The following ESYT2 variants were observed in gnomAD, a reference collection of about 807,000 sequenced individuals.
The protein encoded by ESYT2 is extended synaptotagmin 2.
A neutral mutation model predicts 107.2 loss-of-function variants in ESYT2; 54 were observed. That is an observed-to-expected ratio of 0.50 (90% CI 0.40 to 0.63). The LOEUF is 0.63. ESYT2 is among the 30% of genes least tolerant of loss of function. The pLI is 0.00. For synonymous variants in ESYT2, 491 were observed against 434.1 expected, an observed-to-expected ratio of 1.13 and a Z score of -1.63; for missense variants, 1,020 against 1,094.5, an observed-to-expected ratio of 0.93 and a Z score of 0.96.
chr7:158,808,522 G>A lies in ESYT2; in HGVS notation c.331-9450C>T, dbSNP rs546890046. Among the ~76,000 whole-genome samples, 6 of 152,336 alleles carry A rather than the reference G, an allele frequency of 3.9e-5. No individual in the cohort carries two copies. The South Asian group carries it at 1.2e-3, about 32-fold the overall frequency. On this transcript the variant is annotated intron_variant, in intron 1 of 22. Coordinates refer to ENST00000275418, the MANE Select transcript of ESYT2 (RefSeq NM_001367773.1). ...TTTAAGTGAAAAGGTGAAAGTTCTC[G>A]ACTTACTAAGTATCATACGCTGAGG... is the stretch of plus-strand genomic sequence containing the variant.
chr7:158,781,425 G>A (rs1037575847), intron 6 of ESYT2, among the ~76,000 whole-genome samples: 2 of 54,802 alleles, frequency 3.6e-5, no homozygotes, highest in African/African-American at 8.1e-5. Flanking sequence ...GTAAGAACGA[G>A]TGAGAAGTGT....
intron 2 of ESYT2, among the ~76,000 whole-genome samples, chr7:158,798,790 A>G (rs1337184047): frequency 6.6e-6 from 1 of 152,166 alleles, no homozygotes; most frequent in African/African-American, 2.4e-5. Flanking sequence ...AAGAAGACAC[A>G]TGGCCAGAGA....
chr7:158,781,069 G>A (rs990850332), intron 6 of ESYT2, among the ~76,000 whole-genome samples: 32 of 152,228 alleles, frequency 2.1e-4, no homozygotes, highest in Non-Finnish European at 4.4e-5. Context: ...GAGAACATAA[G>A]AGCAAATGTG....
chr7:158,812,412 C>T (rs1005854738), intron 1 of ESYT2, among the ~76,000 whole-genome samples: 1 of 152,174 alleles, frequency 6.6e-6, no homozygotes, highest in African/African-American at 2.4e-5. Context: ...CAGTGACTCC[C>T]ACTTTACATC....
chr7:158,747,906 T>C (rs1837457436), intron 16 of ESYT2, among the ~76,000 whole-genome samples: 1 of 152,306 alleles, frequency 6.6e-6, no homozygotes, highest in South Asian at 2.1e-4. Context: ...ACAACACAGG[T>C]AAACCTCAGA....
intron 13 of ESYT2, among the ~76,000 whole-genome samples, chr7:158,757,893 T>A (rs1473539742): frequency 6.6e-6 from 1 of 152,168 alleles, no homozygotes; most frequent in Non-Finnish European, 1.5e-5. Context: ...TACCCTAAAA[T>A]AGAAAACAAA....
At chr7:158,806,666 C>G (rs1019707066) in intron 1 of ESYT2, among the ~76,000 whole-genome samples, 1 of 152,118 alleles carries the variant, frequency 6.6e-6, no homozygotes, top group African/African-American at 2.4e-5. Flanking sequence ...ATTCTGAAGT[C>G]CTTTAGACAT....
intron 3 of ESYT2, among the ~76,000 whole-genome samples, chr7:158,797,680 C>T (rs1004651381): frequency 6.6e-6 from 1 of 152,006 alleles, no homozygotes; most frequent in African/African-American, 2.4e-5. Context: ...TGGTGAAACC[C>T]CGTCTCTACT....
At position 158,777,998 on chromosome 7, in the gene ESYT2, T is replaced by C. The variant is rs1282330640; in HGVS notation, c.748-4602A>G. Among the ~76,000 whole-genome samples, 5 of 152,324 alleles carry C rather than the reference T, an allele frequency of 3.3e-5. No homozygotes were observed. In the East Asian group the frequency reaches 9.6e-4, roughly 29 times the overall value. ...ACTTTCAACTAGTAAAAACACAGTA[T>C]CTACGAAGCGCAATAAAGCAAAGCA... On this transcript the variant is annotated intron_variant, in intron 6 of 22. Transcript: ENST00000275418.
At chr7:158,810,252 T>G (rs181069321) in intron 1 of ESYT2, among the ~76,000 whole-genome samples, 1 of 152,228 alleles carries the variant, frequency 6.6e-6, no homozygotes, top group Non-Finnish European at 1.5e-5. Flanking sequence ...TGATTTATAT[T>G]TGCCTACAAG....
rs566847781 is a variant in ESYT2 at position 158,803,808 on chromosome 7, G to T, written c.331-4736C>A. ...GTGAGGCGCGTGACAAACCCAAACCGTTGAGAAGGGTGAGGCGCGCGACAA... is the reference window on the plus strand; with the variant it reads ...GTGAGGCGCGTGACAAACCCAAACCTTTGAGAAGGGTGAGGCGCGCGACAA... On this transcript the variant is annotated intron_variant, in intron 1 of 22. Coordinates refer to ENST00000275418, the MANE Select transcript of ESYT2 (RefSeq NM_001367773.1). Among the ~76,000 whole-genome samples the T allele has an allele frequency of 6.1e-3, 867 of 142,782 alleles. 25 individuals are homozygous for T. Among genetic ancestry groups the T allele is most frequent in the African/African-American group, 0.022 (827 of 37,462 alleles). 93.7% of individuals were successfully genotyped at this position (142,782 alleles called of 152,430 possible). A position where few individuals can be genotyped will look rare whatever the true frequency, so the allele number is the denominator to read the frequency against.
intron 13 of ESYT2, among the ~76,000 whole-genome samples, chr7:158,758,274 A>G (rs1373187318): frequency 6.6e-6 from 1 of 152,260 alleles, no homozygotes; most frequent in African/African-American, 2.4e-5. Context: ...GCACGGGTGC[A>G]CAAGTATTTA....
In ESYT2 at chr7:158,759,579, C is replaced by T. The variant is rs1837889702; in HGVS notation, c.1326G>A (p.Val442=). 6.2e-7 allele frequency: 1 copy of T among 1,607,960 alleles called. No individual in the cohort carries two copies. Among genetic ancestry groups the T allele is most frequent in the Non-Finnish European group, 8.5e-7 (1 of 1,175,210 alleles). Residue 442 remains valine (V), a splice_region_variant and synonymous_variant, in exon 13 of 23, where the codon GTG becomes GTA. Transcript: ENST00000275418. ...CTTTGTCAGCTTTGATGTCTGTTAG[C>T]ACCTAAAAGGAAAGGAAAAAGCCCT... ...LMPNASNLDK[V]LTDIKADKDQ... is the part of the protein sequence containing the mutation.
chr7:158,797,985 T>G lies in ESYT2; in HGVS notation c.464A>C (p.His155Pro). Residue 155 changes from histidine to proline, a missense_variant, in exon 3 of 23, where the codon CAC becomes CCC. Coordinates refer to ENST00000275418, the MANE Select transcript of ESYT2 (RefSeq NM_001367773.1). The part of the protein sequence containing the change: ...IEPAVRGANT[H>P]LSTFSFTKVD... The stretch of plus-strand genomic sequence containing the variant: ...CTTCGTGAAACTAAAGGTGCTAAGG[T>G]GGGTGTTTGCTCCCCGCACGGCTGG... The G allele has an allele frequency of 1.2e-6, 2 of 1,614,038 alleles. No homozygotes were observed. The highest frequency in any genetic ancestry group is 1.3e-5 in the African/African-American group (1 of 75,020).
intron 1 of ESYT2, among the ~76,000 whole-genome samples, chr7:158,819,268 T>A (rs1056869224): frequency 2.6e-5 from 4 of 152,374 alleles, no homozygotes; most frequent in African/African-American, 9.6e-5. Context: ...AATTATCATG[T>A]CTAATGAGTT....
At position 158,829,187 on chromosome 7, in the gene ESYT2, C is replaced by T. The variant is rs745509143; in HGVS notation, c.232G>A (p.Gly78Ser). 4.6e-6 allele frequency: 7 copies of T among 1,536,244 alleles called. No homozygotes were observed. The highest frequency in any genetic ancestry group is 1.4e-5 in the African/African-American group (1 of 71,586). ...ALLAWCRRSR[G>S]LKALRLCRAL... ...CGGCACAGGCGCAGGGCCTTGAGGC[C>T]GCGGCTGCGGCGACACCAGGCGAGC... Residue 78 changes from glycine (G) to serine (S), a missense_variant, in exon 1 of 23, where the codon GGC becomes AGC. Transcript: ENST00000275418.
At chr7:158,765,713 G>A (rs1838134199) in intron 8 of ESYT2, among the ~76,000 whole-genome samples, 1 of 152,214 alleles carries the variant, frequency 6.6e-6, no homozygotes, top group East Asian at 1.9e-4. Context: ...TCCAGCCTGA[G>A]CGACAGAGCA....
At position 158,738,329 on chromosome 7, in the gene ESYT2, ACACACACACACAC is replaced by A. The variant is rs1563614942; in HGVS notation, c.2267+681_2267+693del. Reference sequence around the variant, plus strand: ...TCTGTCTCCAAAAAAAAAAAAAAATACACACACACACACAGACACACACACACACACACACACA... The same window carrying A: ...TCTGTCTCCAAAAAAAAAAAAAAATAAGACACACACACACACACACACACA... On this transcript the variant is annotated intron_variant, in intron 19 of 22. Transcript: ENST00000275418. Among the ~76,000 whole-genome samples the A allele has an allele frequency of 3.3e-3, 278 of 84,788 alleles. 7 individuals are homozygous for A. The highest frequency in any genetic ancestry group is 0.025 in the East Asian group (77 of 3,052). 55.6% of individuals were successfully genotyped at this position (84,788 alleles called of 152,430 possible).
chr7:158,764,573 T>A (rs1219465682), intron 9 of ESYT2, 104 bp downstream of exon 9: 1 of 1,212,498 alleles, frequency 8.2e-7, no homozygotes, highest in Non-Finnish European at 1.2e-6. Flanking sequence ...AATGATGGCC[T>A]AAATGAGCCA....
Sources: gnomAD v4.1 joint callset for allele counts (sites outside exome capture counted in the v4.1 genomes callset) on GRCh38, gnomAD v4.1.1 for gene constraint, MANE v1.5 for transcripts, NCBI Gene and HGNC (gene_info 2026-07-23, HGNC 2026-07-21) for gene names.